The following TMEM164 variants were observed in gnomAD, a reference collection of about 807,000 sequenced individuals.
The protein encoded by TMEM164 is RP13-360B22.2.
A neutral mutation model predicts 18.8 loss-of-function variants in TMEM164; 4 were observed. The ratio of observed to expected loss-of-function variants is 0.21; its 90% CI spans 0.10 to 0.49. The LOEUF is 0.49. Among genes scored for constraint, TMEM164 ranks in the 20% least tolerant of loss-of-function variants. TMEM164 has a pLI of 0.98. For missense variants in TMEM164, 108 were observed against 239.9 expected (o/e 0.45, Z 3.63); for synonymous variants, 86 against 101.7 (o/e 0.85, Z 0.93).
At chrX:110,039,704 G>A (rs761240820) in intron 2 of TMEM164, among the ~76,000 whole-genome samples, 74 of 112,346 alleles carry the variant, frequency 6.6e-4, no homozygotes, top group African/African-American at 2.4e-3. Flanking sequence ...ATGCTCTGTT[G>A]GCCTGATTTA....
Position 110,176,077 on chromosome X carries a change from T to G in TMEM164, c.*2626T>G. 1 of 756,916 alleles carries G rather than the reference T, an allele frequency of 1.3e-6. No individual in the cohort carries two copies. 62.4% of individuals were successfully genotyped at this position (756,916 alleles called of 1,213,427 possible). On this transcript the variant is annotated 3_prime_UTR_variant, in exon 7 of 7. Coordinates refer to ENST00000372068, the MANE Select transcript of TMEM164 (RefSeq NM_032227.4). Reference sequence around the variant, plus strand: ...GTGCCAAGCCAGTTCCCCAGCCAGGTTTCCGTGTGCCATTTGCCAGCGTGT... The same window carrying G: ...GTGCCAAGCCAGTTCCCCAGCCAGGGTTCCGTGTGCCATTTGCCAGCGTGT...
intron 3 of TMEM164, among the ~76,000 whole-genome samples, chrX:110,095,004 GC>G (rs1400043168): frequency 9.0e-6 from 1 of 111,676 alleles, no homozygotes; most frequent in Non-Finnish European, 1.9e-5. Flanking sequence ...TTGAATATTG[GC>G]CCCCATTCTC....
At chrX:110,146,551 T>C (rs1384993220) in intron 5 of TMEM164, among the ~76,000 whole-genome samples, 2 of 111,931 alleles carry the variant, frequency 1.8e-5, no homozygotes, top group Non-Finnish European at 3.8e-5. Context: ...AACCAATAGA[T>C]ACCCTGGTGC....
At chrX:110,144,276 T>G (rs1294983473) in intron 4 of TMEM164, among the ~76,000 whole-genome samples, 1 of 112,177 alleles carries the variant, frequency 8.9e-6, no homozygotes, top group African/African-American at 3.2e-5. Flanking sequence ...ACTCCATATA[T>G]TCTTCATGTC....
intron 3 of TMEM164, among the ~76,000 whole-genome samples, chrX:110,092,109 C>T (rs372854657): frequency 8.9e-6 from 1 of 111,840 alleles, no homozygotes; most frequent in African/African-American, 3.3e-5. Flanking sequence ...TTGGTTACTG[C>T]AGCCTTGTAG....
At chrX:110,064,136 A>G (rs1201467387) in intron 2 of TMEM164, among the ~76,000 whole-genome samples, 2 of 111,592 alleles carry the variant, frequency 1.8e-5, no homozygotes, top group East Asian at 5.6e-4. Context: ...GCACTTCTCT[A>G]TATGCTACCT....
At chrX:110,156,683 G>C (rs911464454) in intron 5 of TMEM164, among the ~76,000 whole-genome samples, 13 of 111,910 alleles carry the variant, frequency 1.2e-4, no homozygotes, top group Non-Finnish European at 2.1e-4. Context: ...GGGAAGTCCA[G>C]ATCAAGGTAC....
rs766557561 is a variant in TMEM164, at chrX:110,109,157, T to C, written c.507+11T>C. 1.7e-6 allele frequency: 2 copies of C among 1,200,617 alleles called. No homozygotes were observed. Among genetic ancestry groups the C allele is most frequent in the Non-Finnish European group, 2.3e-6 (2 of 885,506 alleles). ...GTAAACACTCGGCTGGTAAGTAGCCTCTTCTAGGAATGTAACAGCAACATG... is the reference window on the plus strand; with the variant it reads ...GTAAACACTCGGCTGGTAAGTAGCCCCTTCTAGGAATGTAACAGCAACATG... On this transcript the variant is annotated intron_variant, in intron 4 of 6. Coordinates refer to ENST00000372068, the MANE Select transcript of TMEM164 (RefSeq NM_032227.4).
chrX:110,116,153 A>G (rs771252449), intron 4 of TMEM164, among the ~76,000 whole-genome samples: 137 of 112,176 alleles, frequency 1.2e-3, no homozygotes, highest in Non-Finnish European at 2.0e-3. Flanking sequence ...CAGTTGCTCT[A>G]TGTTTCAAGA....
At chrX:110,167,565 A>G (rs553311322) in intron 5 of TMEM164, among the ~76,000 whole-genome samples, 1 of 112,019 alleles carries the variant, frequency 8.9e-6, no homozygotes, top group East Asian at 2.8e-4. Flanking sequence ...TCTCAGTATT[A>G]TAGATAGTGC....
chrX:110,011,496 T>C (rs1458784694), intron 2 of TMEM164, among the ~76,000 whole-genome samples: 2 of 111,702 alleles, frequency 1.8e-5, no homozygotes. Flanking sequence ...TAGGAATTCA[T>C]TGGGTGATGG....
intron 4 of TMEM164, among the ~76,000 whole-genome samples, chrX:110,114,771 T>C (rs758252494): frequency 7.5e-4 from 84 of 112,221 alleles, no homozygotes; most frequent in African/African-American, 2.5e-3. Context: ...GGCCTGCATT[T>C]GTGTTTGTAC....
chrX:110,168,017 C>T (rs1256775158), intron 5 of TMEM164, among the ~76,000 whole-genome samples: 1 of 112,113 alleles, frequency 8.9e-6, no homozygotes, highest in African/African-American at 3.2e-5. Flanking sequence ...CCACCAACAC[C>T]CACGGGCTTT....
chrX:110,177,748 T>C lies in TMEM164; in HGVS notation c.*4297T>C, dbSNP rs2067305804. 8.9e-6 allele frequency: 1 copy of C among 112,484 alleles called. No individual in the cohort carries two copies. Among genetic ancestry groups the C allele is most frequent in the African/African-American group, 3.2e-5 (1 of 30,981 alleles). 9.3% of individuals were successfully genotyped at this position (112,484 alleles called of 1,213,427 possible). A position where few individuals can be genotyped will look rare whatever the true frequency, so the allele number is the denominator to read the frequency against. Reference sequence around the variant, plus strand: ...ACCCTCACCATGGGGCTTACTGTTATAATGTTTCTTCATTTACTGTTATTA... The same window carrying C: ...ACCCTCACCATGGGGCTTACTGTTACAATGTTTCTTCATTTACTGTTATTA... On this transcript the variant is annotated 3_prime_UTR_variant, in exon 7 of 7. Coordinates refer to ENST00000372068, the MANE Select transcript of TMEM164 (RefSeq NM_032227.4).
chrX:110,103,615 T>A (rs1180937811), intron 3 of TMEM164, among the ~76,000 whole-genome samples: 3 of 109,845 alleles, frequency 2.7e-5, no homozygotes, highest in Non-Finnish European at 3.8e-5. Flanking sequence ...TCTCTAAGAA[T>A]TGGCTGGAGG....
intron 3 of TMEM164, among the ~76,000 whole-genome samples, chrX:110,081,835 A>G (rs2065762228): frequency 8.9e-6 from 1 of 111,818 alleles, no homozygotes; most frequent in African/African-American, 3.3e-5. Flanking sequence ...CCAGCTAACC[A>G]GGGGCCAGCA....
At chrX:110,122,546 A>G (rs2066467147) in intron 4 of TMEM164, among the ~76,000 whole-genome samples, 1 of 109,304 alleles carries the variant, frequency 9.1e-6, no homozygotes, top group South Asian at 3.9e-4. Flanking sequence ...CATTGTGCAC[A>G]TGTACCCTAA....
chrX:110,083,418 T>C (rs2065787383), intron 3 of TMEM164, among the ~76,000 whole-genome samples: 1 of 111,634 alleles, frequency 9.0e-6, no homozygotes, highest in Admixed American at 9.6e-5. Flanking sequence ...GATCTCTCTC[T>C]TGGGTTTTCC....
chrX:110,094,442 C>A (rs1023193661), intron 3 of TMEM164, among the ~76,000 whole-genome samples: 7 of 111,648 alleles, frequency 6.3e-5, no homozygotes, highest in Non-Finnish European at 1.3e-4. Flanking sequence ...TACTTAATGG[C>A]CTTCTTTGTC....
Sources: allele counts gnomAD v4.1 joint callset (sites outside exome capture counted in the v4.1 genomes callset), GRCh38; gene constraint gnomAD v4.1.1; transcripts MANE v1.5; gene names NCBI Gene and HGNC (gene_info 2026-07-23, HGNC 2026-07-21).